Variants in CDC5L observed in about 807,000 individuals in gnomAD.
The protein encoded by CDC5L is cell division cycle 5 like, also known as cell division cycle 5-like protein.
In CDC5L, 18 loss-of-function variants were observed where a neutral mutation model predicts 104.1. The ratio of observed to expected loss-of-function variants is 0.17; its 90% CI spans 0.12 to 0.26. The LOEUF is 0.26. CDC5L is among the 10% of genes least tolerant of loss of function. The pLI is 1.00. For missense variants in CDC5L, 673 were observed against 956.9 expected (o/e 0.70, Z 3.91); for synonymous variants, 331 against 322.7 (o/e 1.03, Z -0.28).
At position 44,424,600 on chromosome 6, in the gene CDC5L, A is replaced by G. The variant is rs752691967; in HGVS notation, c.1569+17A>G. 5.0e-6 allele frequency: 8 copies of G among 1,612,854 alleles called. No individual in the cohort carries two copies. In the East Asian group the frequency reaches 1.6e-4, roughly 31 times the overall value. On this transcript the variant is annotated intron_variant, in intron 11 of 15. Transcript: ENST00000371477. ...CGAAAGCAGGTGGGTAACTGTACTG[A>G]AAGAAGCGTGAGTTTGGCTGAATGT...
intron 8 of CDC5L, among the ~76,000 whole-genome samples, chr6:44,418,143 C>G (rs1337354267): frequency 6.6e-6 from 1 of 152,110 alleles, no homozygotes; most frequent in South Asian, 2.1e-4. Flanking sequence ...TATCCCTCCC[C>G]TCTCCCCCCA....
chr6:44,390,082 T>A (rs900788459), intron 1 of CDC5L, among the ~76,000 whole-genome samples, 186 bp from the exon 2 acceptor site: 2 of 152,180 alleles, frequency 1.3e-5, no homozygotes, highest in Non-Finnish European at 2.9e-5. Flanking sequence ...TCTTCTTAAT[T>A]TCTCAATTCT....
chr6:44,442,184 C>G (rs1336033237), intron 14 of CDC5L, among the ~76,000 whole-genome samples: 1 of 152,170 alleles, frequency 6.6e-6, no homozygotes, highest in East Asian at 1.9e-4. Context: ...ATAGACCCAC[C>G]TCAGCCTCCC....
At chr6:44,396,219 TA>T (rs1790864453) in intron 4 of CDC5L, 121 bp from the exon 5 acceptor site, 1 of 572,824 alleles carries the variant, frequency 1.7e-6, no homozygotes. Context: ...TGCTACACCA[TA>T]AAATCAGTAT....
chr6:44,393,602 C>G (rs370029888), intron 4 of CDC5L, 29 bp downstream of exon 4: 76 of 1,597,912 alleles, frequency 4.8e-5, no homozygotes, highest in East Asian at 1.4e-4. Flanking sequence ...GAATTTATTT[C>G]TTTGGTAACT....
chr6:44,430,157 T>G lies in CDC5L; in HGVS notation c.2091+247T>G, dbSNP rs534890339. On this transcript the variant is annotated intron_variant, in intron 14 of 15. Coordinates refer to ENST00000371477, the MANE Select transcript of CDC5L (RefSeq NM_001253.4). ...CATGACTAAAGAGTGCCCTGCAAGTTGACCAGAGGTCAATCAGAACCTTTA... is the reference window on the plus strand; with the variant it reads ...CATGACTAAAGAGTGCCCTGCAAGTGGACCAGAGGTCAATCAGAACCTTTA... Among the ~76,000 whole-genome samples, 38 of 151,922 alleles carry G rather than the reference T, an allele frequency of 2.5e-4. 1 individual carries two copies. The South Asian group carries it at 7.7e-3, about 31-fold the overall frequency.
chr6:44,426,100 T>C lies in CDC5L; in HGVS notation c.1570-3T>C, dbSNP rs377463306. On this transcript the variant is annotated splice_region_variant and splice_polypyrimidine_tract_variant and intron_variant, in intron 11 of 15. Coordinates refer to ENST00000371477, the MANE Select transcript of CDC5L (RefSeq NM_001253.4). ...AATAAAGGATATAAAAATCATTTTT[T>C]AGGCCATACGAGATGCAGAGCGTGT... 1.1e-4 allele frequency: 174 copies of C among 1,582,466 alleles called. No individual in the cohort carries two copies. The highest frequency in any genetic ancestry group is 1.4e-4 in the Non-Finnish European group (166 of 1,161,510).
intron 1 of CDC5L, 137 bp from the exon 2 acceptor site, chr6:44,390,131 A>G: frequency 1.7e-6 from 1 of 591,292 alleles, no homozygotes; most frequent in African/African-American, 1.9e-5. Context: ...TTTCATCCTT[A>G]GTCTTTTAAC....
chr6:44,445,690 G>C lies in CDC5L; in HGVS notation c.2127G>C (p.Arg709Ser), dbSNP rs781384565. The change falls in exon 15 of 16, where the codon AGG becomes AGC. Residue 709 changes from arginine to serine, a missense_variant. Coordinates refer to ENST00000371477, the MANE Select transcript of CDC5L (RefSeq NM_001253.4). ...GTCACATGACGACAGAAGCCAAGAG[G>C]GCTGCAAAGATGGAAAAGAAGATGA... is the stretch of plus-strand genomic sequence containing the variant. ...NRGHMTTEAK[R>S]AAKMEKKMKI... 1.2e-6 allele frequency: 2 copies of C among 1,614,014 alleles called. No homozygotes were observed. Among genetic ancestry groups the C allele is most frequent in the Non-Finnish European group, 1.7e-6 (2 of 1,180,000 alleles).
At chr6:44,394,508 C>T (rs1470636232) in intron 4 of CDC5L, among the ~76,000 whole-genome samples, 2 of 152,038 alleles carry the variant, frequency 1.3e-5, no homozygotes, top group African/African-American at 2.4e-5. Flanking sequence ...TCAGGAATTC[C>T]ACAATAGAAA....
At position 44,433,990 on chromosome 6, in the gene CDC5L, T is replaced by C. The variant is rs150270733; in HGVS notation, c.2091+4080T>C. 2.1e-4 allele frequency among the ~76,000 whole-genome samples: 32 copies of C among 152,296 alleles called. No homozygotes were observed. In the East Asian group the frequency reaches 6.2e-3, roughly 29 times the overall value. On this transcript the variant is annotated intron_variant, in intron 14 of 15. Transcript: ENST00000371477. ...GCAGGTTTATGCTTATGTTGCCTTGTGTAGAGGTGGGGGAAGTGACTTGTG... is the reference window on the plus strand; with the variant it reads ...GCAGGTTTATGCTTATGTTGCCTTGCGTAGAGGTGGGGGAAGTGACTTGTG...
At chr6:44,434,083 C>G (rs1792812051) in intron 14 of CDC5L, among the ~76,000 whole-genome samples, 2 of 152,136 alleles carry the variant, frequency 1.3e-5, no homozygotes, top group African/African-American at 4.8e-5. Flanking sequence ...TTTGCTATGA[C>G]CCTTATAGGC....
At position 44,445,651 on chromosome 6, in the gene CDC5L, C is replaced by T; in HGVS notation, c.2092-4C>T. 1 of 1,606,652 alleles carries T rather than the reference C, an allele frequency of 6.2e-7. No homozygotes were observed. The highest frequency in any genetic ancestry group is 8.5e-7 in the Non-Finnish European group (1 of 1,173,816). On this transcript the variant is annotated splice_polypyrimidine_tract_variant and splice_region_variant and intron_variant, in intron 14 of 15. Coordinates refer to ENST00000371477, the MANE Select transcript of CDC5L (RefSeq NM_001253.4). ...TGCTGATGTGATCTTCCCCTGCTCT[C>T]CAGATAAACAGGGGTCACATGACGA...
intron 14 of CDC5L, among the ~76,000 whole-genome samples, chr6:44,430,154 A>G (rs888064506): frequency 6.6e-5 from 10 of 151,686 alleles, no homozygotes; most frequent in Non-Finnish European, 1.0e-4. Context: ...GTGCCCTGCA[A>G]GTTGACCAGA....
At chr6:44,431,526 C>T (rs1325227843) in intron 14 of CDC5L, among the ~76,000 whole-genome samples, 1 of 152,124 alleles carries the variant, frequency 6.6e-6, no homozygotes, top group African/African-American at 2.4e-5. Context: ...ACTTAGGTTT[C>T]TTACTTAGTA....
Position 44,446,679 on chromosome 6 carries a change from C to T in CDC5L, c.2377C>T (p.Leu793=). 1 of 1,585,392 alleles carries T rather than the reference C, an allele frequency of 6.3e-7. No individual in the cohort carries two copies. The highest frequency in any genetic ancestry group is 8.6e-7 in the Non-Finnish European group (1 of 1,163,236). The change falls in exon 16 of 16, where the codon CTG becomes TTG. Residue 793 remains leucine, a synonymous_variant. Transcript: ENST00000371477. ...ELQHRYADLL[L]EKETLKSKF The stretch of plus-strand genomic sequence containing the variant: ...TCAACATAGATATGCTGATTTGCTG[C>T]TGGAGAAAGAGACTTTAAAGTCAAA...
At chr6:44,392,881 G>T in intron 3 of CDC5L, 53 bp downstream of exon 3, 2 of 1,491,860 alleles carry the variant, frequency 1.3e-6, no homozygotes, top group South Asian at 1.2e-5. Flanking sequence ...TCTGAAAGAG[G>T]CTGAATAAAC....
chr6:44,438,950 A>G (rs1164464452), intron 14 of CDC5L, among the ~76,000 whole-genome samples: 2 of 152,100 alleles, frequency 1.3e-5, no homozygotes, highest in East Asian at 3.8e-4. Flanking sequence ...TAGTTGTGCA[A>G]CCATTATTGG....
chr6:44,429,418 TCA>T (rs1353853021), intron 13 of CDC5L, among the ~76,000 whole-genome samples: 3 of 152,328 alleles, frequency 2.0e-5, no homozygotes, highest in African/African-American at 4.8e-5. Flanking sequence ...ACCTAGTTTC[TCA>T]CACACACAAT....
Sources: allele counts gnomAD v4.1 joint callset (sites outside exome capture counted in the v4.1 genomes callset), GRCh38; gene constraint gnomAD v4.1.1; transcripts MANE v1.5; gene names NCBI Gene and HGNC (gene_info 2026-07-23, HGNC 2026-07-21).